The following SCAF1 variants were observed in gnomAD, a reference collection of about 807,000 sequenced individuals.
The protein encoded by SCAF1 is splicing factor, arginine/serine-rich 19.
A neutral mutation model predicts 91.2 loss-of-function variants in SCAF1; 28 were observed. The observed-to-expected ratio is 0.31, with a 90% CI of 0.23 to 0.42. The LOEUF (loss-of-function observed/expected upper bound fraction) is 0.42, where lower values mean the gene tolerates loss of function less well. SCAF1 is among the 10% of genes least tolerant of loss of function. The probability of loss-of-function intolerance (pLI) is 1.00; values close to 1 mark genes in which losing one functional copy is unlikely to be tolerated. For missense variants in SCAF1, 1,893 were observed against 1,872.1 expected (o/e 1.01, Z -0.21); for synonymous variants, 1,036 against 833.7 (o/e 1.24, Z -4.18).
Position 49,658,253 on chromosome 19 carries a change from A to G in SCAF1, c.3793A>G (p.Asn1265Asp). ...SGEINPVKVSNLVRAYVQRYR... is the reference protein window; with the variant it reads ...SGEINPVKVSDLVRAYVQRYR... ...GGAAATCAACCCAGTGAAGGTGAGC[A>G]ACCTGGTGCGGGCCTACGTCCAGCG... Residue 1265 changes from asparagine to aspartate, a missense_variant, in exon 11 of 11, where the codon AAC becomes GAC. Physicochemically the swap from Asn to Asp is conservative, Grantham distance 23. This residue lies in a region of SCAF1 where 56 missense variants were observed against 106.3 expected (regional missense o/e 0.53). Transcript: ENST00000360565. The G allele has an allele frequency of 6.2e-7, 1 of 1,613,746 alleles. No individual in the cohort carries two copies. Among genetic ancestry groups the G allele is most frequent in the Non-Finnish European group, 8.5e-7 (1 of 1,179,902 alleles).
upstream of SCAF1, among the ~76,000 whole-genome samples, chr19:49,640,504 T>C (rs1035028029): frequency 1.3e-5 from 2 of 152,174 alleles, no homozygotes; most frequent in African/African-American, 4.8e-5. Flanking sequence ...GCTTGGGGCA[T>C]CGTCTCCGAG....
At chr19:49,643,667 A>G (rs1192760915) in intron 1 of SCAF1, among the ~76,000 whole-genome samples, 2 of 152,198 alleles carry the variant, frequency 1.3e-5, no homozygotes, top group East Asian at 3.8e-4. Context: ...TAGTCAGCAG[A>G]TGTTGATTAA....
rs1367111155 is a variant in SCAF1 at position 49,653,428 on chromosome 19, G to A, written c.3039G>A (p.Glu1013=). The part of the protein sequence containing the change: ...EVSFLPEEAT[E]EAGVRGGAEE... ...CCTTCCTGCCCGAGGAGGCCACTGA[G>A]GAGGCTGGGGTCCGAGGTGGGGCGG... Residue 1013 remains glutamate, a synonymous_variant, in exon 7 of 11, where the codon GAG becomes GAA. Coordinates refer to ENST00000360565, the MANE Select transcript of SCAF1 (RefSeq NM_021228.3). 1 of 1,549,406 alleles carries A rather than the reference G, an allele frequency of 6.5e-7. No individual in the cohort carries two copies. Among genetic ancestry groups the A allele is most frequent in the South Asian group, 1.2e-5 (1 of 81,168 alleles).
In SCAF1 at chr19:49,651,394, G is replaced by T; in HGVS notation, c.1005G>T (p.Thr335=). ...CACAGCCGACTCCCGCCCCTGGAAC[G>T]CCGCCCCAGGTGGACTCCACCCGGG... is the stretch of plus-strand genomic sequence containing the variant. ...QPTQPTPAPG[T]PPQVDSTRAD... The change falls in exon 7 of 11, where the codon ACG becomes ACT. Residue 335 remains threonine, a synonymous_variant. Transcript: ENST00000360565. The T allele has an allele frequency of 6.2e-7, 1 of 1,607,034 alleles. No individual in the cohort carries two copies.
chr19:49,644,969 C>A, intron 1 of SCAF1, 52 bp from the exon 2 acceptor site: 1 of 1,342,212 alleles, frequency 7.5e-7, no homozygotes, highest in Non-Finnish European at 1.1e-6. Flanking sequence ...TCCTCTACTT[C>A]CATCCTTTCT....
At chr19:49,647,394 C>T (rs888042887) in intron 6 of SCAF1, among the ~76,000 whole-genome samples, 1 of 152,228 alleles carries the variant, frequency 6.6e-6, no homozygotes, top group African/African-American at 2.4e-5. Context: ...GGGCCCACTC[C>T]CAAGAGTTCT....
chr19:49,657,741 C>T lies in SCAF1; in HGVS notation c.3619-20C>T, dbSNP rs370968269. 104 of 1,586,262 alleles carry T rather than the reference C, an allele frequency of 6.6e-5. 2 individuals are homozygous for T. In the African/African-American group the frequency reaches 7.9e-4, roughly 12 times the overall value. ...CACTGGCCCTTGCTGTGTCTTCCCC[C>T]GCTGTCGCCACCCCACCAGTATCTG... On this transcript the variant is annotated intron_variant, in intron 9 of 10. Transcript: ENST00000360565.
In SCAF1 at chr19:49,653,411, C is replaced by T. The variant is rs2081116375; in HGVS notation, c.3022C>T (p.Pro1008Ser). Residue 1008 changes from proline (P) to serine (S), a missense_variant, in exon 7 of 11, where the codon CCC (proline) becomes TCC (serine). By Grantham distance (74) the Pro-to-Ser change is moderately conservative. This residue lies in a region of SCAF1 where 1,436 missense variants were observed against 1,306.8 expected (regional missense o/e 1.10). Coordinates refer to ENST00000360565, the MANE Select transcript of SCAF1 (RefSeq NM_021228.3). ...CAAGACACCTGAGGTCTCCTTCCTG[C>T]CCGAGGAGGCCACTGAGGAGGCTGG... is the stretch of plus-strand genomic sequence containing the variant. Reference protein sequence around the residue: ...SCKTPEVSFLPEEATEEAGVR... With the variant: ...SCKTPEVSFLSEEATEEAGVR... The T allele has an allele frequency of 1.3e-6, 2 of 1,545,704 alleles. No individual in the cohort carries two copies. The highest frequency in any genetic ancestry group is 8.7e-7 in the Non-Finnish European group (1 of 1,144,532).
intron 7 of SCAF1, 73 bp from the exon 8 acceptor site, chr19:49,654,276 C>G: frequency 7.8e-7 from 1 of 1,284,716 alleles, no homozygotes; most frequent in African/African-American, 1.5e-5. Context: ...CAGCAGGTGT[C>G]CAGGTGAGGT....
intron 6 of SCAF1, among the ~76,000 whole-genome samples, chr19:49,649,056 A>G (rs1467819977): frequency 6.6e-6 from 1 of 152,152 alleles, no homozygotes; most frequent in East Asian, 1.9e-4. Flanking sequence ...TGATTTAGGA[A>G]AACAGGTGGT....
rs2081094381 is a variant in SCAF1 at position 49,651,896 on chromosome 19, C to T, written c.1507C>T (p.Pro503Ser). ...CCGCCAGCGCTCGCCCTCCCCGGCG[C>T]CCGCGCCCGCCCCGGCCGCCGCTGC... ...RYRQRSPSPA[P>S]APAPAAAAGP... The change falls in exon 7 of 11, where the codon CCC becomes TCC. Residue 503 changes from proline (P) to serine (S), a missense_variant. This residue lies in a region of SCAF1 where 1,436 missense variants were observed against 1,306.8 expected (regional missense o/e 1.10). Transcript: ENST00000360565. 1.7e-6 allele frequency: 2 copies of T among 1,166,070 alleles called. No homozygotes were observed. The highest frequency in any genetic ancestry group is 2.1e-6 in the Non-Finnish European group (2 of 942,354). The allele number at this position is 1,166,070 out of a possible 1,614,324, so 72.2% of individuals were successfully genotyped here. A position where few individuals can be genotyped will look rare whatever the true frequency, so the allele number is the denominator to read the frequency against.
intron 9 of SCAF1, 123 bp from the exon 10 acceptor site, chr19:49,657,638 C>T: frequency 3.9e-6 from 5 of 1,276,796 alleles, no homozygotes; most frequent in Non-Finnish European, 5.4e-6. Context: ...GCAGGACTTC[C>T]AGCCTGAGAG....
At chr19:49,649,673 T>G (rs1288150419) in intron 6 of SCAF1, among the ~76,000 whole-genome samples, 1 of 151,860 alleles carries the variant, frequency 6.6e-6, no homozygotes, top group Non-Finnish European at 1.5e-5. Flanking sequence ...TTTGGTATTT[T>G]TAGTAGAGAT....
In SCAF1 at chr19:49,652,064, GA is replaced by G; in HGVS notation, c.1676del (p.Asp559AlafsTer179). 1 of 1,222,288 alleles carries G rather than the reference GA, an allele frequency of 8.2e-7. No homozygotes were observed. Among genetic ancestry groups the G allele is most frequent in the Non-Finnish European group, 1.0e-6 (1 of 967,906 alleles). 75.7% of individuals were successfully genotyped at this position (1,222,288 alleles called of 1,614,324 possible). On this transcript the variant is annotated frameshift_variant, in exon 7 of 11. Coordinates refer to ENST00000360565, the MANE Select transcript of SCAF1 (RefSeq NM_021228.3). LOFTEE classifies it high-confidence loss of function. Reference sequence around the variant, plus strand: ...GGACTCCAAGAAGCACCGCTCGCGGGACCGCAAGCCCGGCTCCCACGCCTCG... The same window carrying G: ...GGACTCCAAGAAGCACCGCTCGCGGGCCGCAAGCCCGGCTCCCACGCCTCG... The part of the protein sequence containing the change: ...PWDSKKHRSR[D>X]RKPGSHASSS...
chr19:49,658,231 A>T lies in SCAF1; in HGVS notation c.3771A>T (p.Glu1257Asp), dbSNP rs2081158717. The change falls in exon 11 of 11, where the codon GAA (glutamate) becomes GAT (aspartate). Residue 1257 changes from glutamate (E) to aspartate (D), a missense_variant. By Grantham distance (45) the Glu-to-Asp change is conservative. Around this residue, in one of 5 missense-constraint regions of SCAF1, gnomAD observed 56 missense variants for 106.3 expected, o/e 0.53. Coordinates refer to ENST00000360565, the MANE Select transcript of SCAF1 (RefSeq NM_021228.3). ...VHKICHSKSG[E>D]INPVKVSNLV... ...AGATCTGCCACAGCAAAAGTGGGGA[A>T]ATCAACCCAGTGAAGGTGAGCAACC... 1 of 1,613,216 alleles carries T rather than the reference A, an allele frequency of 6.2e-7. No homozygotes were observed. Among genetic ancestry groups the T allele is most frequent in the Non-Finnish European group, 8.5e-7 (1 of 1,179,646 alleles).
Position 49,653,433 on chromosome 19 carries a change from C to T in SCAF1, c.3044C>T (p.Ala1015Val). ...SFLPEEATEE[A>V]GVRGGAEEEE... Reference sequence around the variant, plus strand: ...CTGCCCGAGGAGGCCACTGAGGAGGCTGGGGTCCGAGGTGGGGCGGAGGAG... The same window carrying T: ...CTGCCCGAGGAGGCCACTGAGGAGGTTGGGGTCCGAGGTGGGGCGGAGGAG... Residue 1015 changes from alanine (A) to valine (V), a missense_variant, in exon 7 of 11, where the codon GCT becomes GTT. By Grantham distance (64) the Ala-to-Val change is moderately conservative. Transcript: ENST00000360565. The T allele has an allele frequency of 1.3e-6, 2 of 1,545,446 alleles. No individual in the cohort carries two copies. The highest frequency in any genetic ancestry group is 1.7e-6 in the Non-Finnish European group (2 of 1,144,990).
chr19:49,640,856 G>C (rs565072831), upstream of SCAF1, among the ~76,000 whole-genome samples: 55 of 152,284 alleles, frequency 3.6e-4, no homozygotes, highest in Admixed American at 9.1e-4. Flanking sequence ...TGAAGAGCCT[G>C]GGGCCAGGAT....
In SCAF1 at chr19:49,653,544, C is replaced by T. The variant is rs752587501; in HGVS notation, c.3155C>T (p.Ala1052Val). 5.7e-6 allele frequency: 9 copies of T among 1,581,394 alleles called. No individual in the cohort carries two copies. The highest frequency in any genetic ancestry group is 7.7e-6 in the Non-Finnish European group (9 of 1,167,914). ...ACCACCACGGCCACCAGCACTGCTG[C>T]AGCCGCCCCAAGCACTGCCCCCAGC... ...PATTTATSTA[A>V]AAPSTAPSAG... Residue 1052 changes from alanine (A) to valine (V), a missense_variant, in exon 7 of 11, where the codon GCA (alanine) becomes GTA (valine). By Grantham distance (64) the Ala-to-Val change is moderately conservative (BLOSUM62 0). Transcript: ENST00000360565.
chr19:49,645,008 C>A lies in SCAF1; in HGVS notation c.-6-13C>A, dbSNP rs541739692. ...GGGACCTCCACTCCAAACTCTCCCC[C>A]CTGGACCCCCAGGTGACCATGGAGG... On this transcript the variant is annotated splice_polypyrimidine_tract_variant and intron_variant, in intron 1 of 10. Coordinates refer to ENST00000360565, the MANE Select transcript of SCAF1 (RefSeq NM_021228.3). This position sits in a 1 kb window ranked among gnomAD's most constrained non-coding sequence, Gnocchi z 4.6. The A allele has an allele frequency of 1.5e-5, 24 of 1,605,426 alleles. No individual in the cohort carries two copies. The highest frequency in any genetic ancestry group is 1.2e-4 in the Admixed American group (7 of 59,902).
Sources: allele counts gnomAD v4.1 joint callset (sites outside exome capture counted in the v4.1 genomes callset), GRCh38; gene constraint gnomAD v4.1.1; regional missense constraint gnomAD v4.1.1; non-coding constraint Gnocchi (gnomAD v3.1); transcripts MANE v1.5; gene names NCBI Gene and HGNC (gene_info 2026-07-23, HGNC 2026-07-21).